ANGPT1: variants seen among roughly 807,000 people sequenced by gnomAD.
The protein encoded by ANGPT1 is angiopoietin-1.
A neutral mutation model predicts 62.2 loss-of-function variants in ANGPT1; 17 were observed. The ratio of observed to expected loss-of-function variants is 0.27; its 90% CI spans 0.19 to 0.41. ANGPT1 has a LOEUF of 0.41. ANGPT1 is among the 10% of genes least tolerant of loss of function. The pLI is 1.00. For missense variants in ANGPT1, 478 were observed against 594.9 expected, an observed-to-expected ratio of 0.80 and a Z score of 2.04; for synonymous variants, 199 against 198.9, an observed-to-expected ratio of 1.00 and a Z score of 0.00.
At chr8:107,321,386 T>C (rs1474074814) in intron 4 of ANGPT1, among the ~76,000 whole-genome samples, 1 of 152,156 alleles carries the variant, frequency 6.6e-6, no homozygotes, top group African/African-American at 2.4e-5. Context: ...TTAATAACAA[T>C]AATCCTGCCT....
chr8:107,385,130 G>GTTGT (rs1161932302), intron 1 of ANGPT1, among the ~76,000 whole-genome samples: 7 of 149,338 alleles, frequency 4.7e-5, no homozygotes, highest in Non-Finnish European at 9.0e-5. Flanking sequence ...GTTTTGGAAT[G>GTTGT]TCGTTTGTTT....
chr8:107,325,706 T>C (rs1034945696), intron 3 of ANGPT1, among the ~76,000 whole-genome samples: 14 of 152,288 alleles, frequency 9.2e-5, no homozygotes, highest in African/African-American at 3.1e-4. Flanking sequence ...AAACCTCAAA[T>C]GAAAATGCAG....
intron 1 of ANGPT1, among the ~76,000 whole-genome samples, chr8:107,351,245 C>CA (rs111802918): frequency 0.016 from 2,487 of 151,496 alleles, 88 homozygotes; most frequent in African/African-American, 0.056. Context: ...TACTTTCAAG[C>CA]AAAAAAAAGT....
intron 1 of ANGPT1, among the ~76,000 whole-genome samples, chr8:107,460,951 C>G (rs1812055008): frequency 6.6e-6 from 1 of 152,094 alleles, no homozygotes; most frequent in African/African-American, 2.4e-5. Flanking sequence ...TTTGCTAACT[C>G]CATATATTGC....
chr8:107,459,337 G>A (rs1213035350), intron 1 of ANGPT1, among the ~76,000 whole-genome samples: 2 of 152,048 alleles, frequency 1.3e-5, no homozygotes, highest in South Asian at 2.1e-4. Flanking sequence ...ATTACTTGAG[G>A]TCAGGAGTTT....
intron 4 of ANGPT1, among the ~76,000 whole-genome samples, chr8:107,313,261 C>T (rs1814920302): frequency 6.6e-6 from 1 of 151,904 alleles, no homozygotes; most frequent in Non-Finnish European, 1.5e-5. Context: ...TCTTTGTAGG[C>T]TGCATATTAA....
chr8:107,262,999 T>C (rs571042605), intron 8 of ANGPT1, among the ~76,000 whole-genome samples: 1 of 152,318 alleles, frequency 6.6e-6, no homozygotes, highest in South Asian at 2.1e-4. Context: ...GAATGCATTC[T>C]AAAATGCAAG....
chr8:107,254,594 G>A (rs1472253179), intron 8 of ANGPT1, among the ~76,000 whole-genome samples: 1 of 152,080 alleles, frequency 6.6e-6, no homozygotes, highest in African/African-American at 2.4e-5. Context: ...AACGAGACCA[G>A]AAGGAGGAGA....
chr8:107,286,051 A>G (rs1471660059), intron 6 of ANGPT1, among the ~76,000 whole-genome samples: 1 of 152,184 alleles, frequency 6.6e-6, no homozygotes, highest in Non-Finnish European at 1.5e-5. Flanking sequence ...GCATTTTACA[A>G]TAACACATGG....
At chr8:107,291,894 G>C (rs920189986) in intron 6 of ANGPT1, among the ~76,000 whole-genome samples, 4 of 27,550 alleles carry the variant, frequency 1.5e-4, no homozygotes, top group South Asian at 1.6e-3. Flanking sequence ...CTGAAGATGG[G>C]GGGGGGGGGG....
At chr8:107,399,206 C>A (rs1473299050) in intron 1 of ANGPT1, among the ~76,000 whole-genome samples, 1 of 152,142 alleles carries the variant, frequency 6.6e-6, no homozygotes, top group Admixed American at 6.6e-5. Flanking sequence ...CCAGAAGCTT[C>A]TCTTCATGTT....
chr8:107,327,941 A>T (rs917962941), intron 3 of ANGPT1, among the ~76,000 whole-genome samples: 4 of 152,114 alleles, frequency 2.6e-5, no homozygotes, highest in Non-Finnish European at 5.9e-5. Context: ...CCAACATCTT[A>T]TTGGAAATAT....
At chr8:107,329,502 T>C (rs1332867785) in intron 3 of ANGPT1, among the ~76,000 whole-genome samples, 1 of 152,092 alleles carries the variant, frequency 6.6e-6, no homozygotes, top group Non-Finnish European at 1.5e-5. Flanking sequence ...ATAGTAACAT[T>C]GAGTGCCATG....
chr8:107,370,971 T>TA (rs34820719), intron 1 of ANGPT1, among the ~76,000 whole-genome samples: 25 of 147,056 alleles, frequency 1.7e-4, no homozygotes, highest in Middle Eastern at 3.5e-3. Context: ...TTGATTTGTT[T>TA]AAAAAAAAAA....
intron 1 of ANGPT1, among the ~76,000 whole-genome samples, chr8:107,473,267 T>C (rs932838016): frequency 6.6e-6 from 1 of 152,110 alleles, no homozygotes; most frequent in Non-Finnish European, 1.5e-5. Context: ...CTGGCAGAAC[T>C]ACCAAAGCAT....
At chr8:107,416,249 C>G (rs1384297922) in intron 1 of ANGPT1, among the ~76,000 whole-genome samples, 1 of 152,214 alleles carries the variant, frequency 6.6e-6, no homozygotes, top group African/African-American at 2.4e-5. Flanking sequence ...TTCTCACCAA[C>G]TGGCTTCAAG....
chr8:107,359,391 A>T (rs540019627), intron 1 of ANGPT1, among the ~76,000 whole-genome samples: 1 of 152,198 alleles, frequency 6.6e-6, no homozygotes, highest in Non-Finnish European at 1.5e-5. Context: ...AAGAATCTGA[A>T]TGAATAATTT....
At chr8:107,318,417 A>G (rs947861724) in intron 4 of ANGPT1, among the ~76,000 whole-genome samples, 4 of 152,210 alleles carry the variant, frequency 2.6e-5, no homozygotes, top group Non-Finnish European at 4.4e-5. Flanking sequence ...GCAAAGATAG[A>G]TTTACAGTTT....
At chr8:107,332,604 T>C (rs1379429754) in intron 3 of ANGPT1, among the ~76,000 whole-genome samples, 3 of 152,202 alleles carry the variant, frequency 2.0e-5, no homozygotes, top group Non-Finnish European at 4.4e-5. Flanking sequence ...TCTCAGCATG[T>C]TTGTGTAGTA....
Sources: allele counts gnomAD v4.1 joint callset (sites outside exome capture counted in the v4.1 genomes callset), GRCh38; gene constraint gnomAD v4.1.1; transcripts MANE v1.5; gene names NCBI Gene and HGNC (gene_info 2026-07-23, HGNC 2026-07-21).